The following KIF4A variants were observed in gnomAD, a reference collection of about 807,000 sequenced individuals.
The protein encoded by KIF4A is kinesin family member 4A.
A neutral mutation model predicts 105.9 loss-of-function variants in KIF4A; 7 were observed. The ratio of observed to expected loss-of-function variants is 0.07; its 90% CI spans 0.04 to 0.12. KIF4A has a LOEUF of 0.12. Among genes scored for constraint, KIF4A ranks in the 10% least tolerant of loss-of-function variants. KIF4A has a pLI of 1.00. For synonymous variants in KIF4A, 281 were observed against 331.3 expected (o/e 0.85, Z 1.65); for missense variants, 558 against 929.2 (o/e 0.60, Z 5.19).
intron 13 of KIF4A, among the ~76,000 whole-genome samples, chrX:70,348,280 C>CA (rs1225326412): frequency 6.1e-4 from 68 of 111,036 alleles, no homozygotes; most frequent in African/African-American, 2.2e-3. Flanking sequence ...CTTGTCTCTA[C>CA]AAAAAAATAA....
At chrX:70,337,885 G>A (rs2085957017) in intron 10 of KIF4A, among the ~76,000 whole-genome samples, 1 of 111,685 alleles carries the variant, frequency 9.0e-6, no homozygotes, top group Non-Finnish European at 1.9e-5. Context: ...ATCTCCACCA[G>A]CCATGCACAA....
chrX:70,324,879 T>C (rs1469382989), intron 7 of KIF4A, among the ~76,000 whole-genome samples: 1 of 111,632 alleles, frequency 9.0e-6, no homozygotes, highest in Non-Finnish European at 1.9e-5. Flanking sequence ...CCTCCTGGGC[T>C]GAAGCCATCC....
intron 10 of KIF4A, among the ~76,000 whole-genome samples, chrX:70,340,603 G>T (rs1307468135): frequency 9.0e-6 from 1 of 111,625 alleles, no homozygotes; most frequent in Non-Finnish European, 1.9e-5. Flanking sequence ...CATTTTAATT[G>T]AACATTCCTT....
At chrX:70,335,345 T>G (rs1261622227) in intron 10 of KIF4A, among the ~76,000 whole-genome samples, 1 of 112,000 alleles carries the variant, frequency 8.9e-6, no homozygotes, top group Admixed American at 9.5e-5. Flanking sequence ...GTAGTCAAAT[T>G]CATAGAAACA....
intron 3 of KIF4A, among the ~76,000 whole-genome samples, chrX:70,294,107 CT>C (rs1393342482): frequency 8.9e-6 from 1 of 111,898 alleles, no homozygotes; most frequent in Non-Finnish European, 1.9e-5. Context: ...AAGCTTTTTT[CT>C]TTTTAAAAAA....
intron 5 of KIF4A, 105 bp from the exon 6 acceptor site, chrX:70,301,795 T>G: frequency 3.5e-6 from 3 of 860,573 alleles, no homozygotes; most frequent in Non-Finnish European, 5.0e-6. Flanking sequence ...CTATTTGAGG[T>G]TCTACTAGAC....
At chrX:70,347,598 G>A (rs2085998032) in intron 13 of KIF4A, among the ~76,000 whole-genome samples, 1 of 111,764 alleles carries the variant, frequency 8.9e-6, no homozygotes, top group Non-Finnish European at 1.9e-5. Flanking sequence ...TCTAGGACAG[G>A]CCTCTGATTA....
intron 7 of KIF4A, among the ~76,000 whole-genome samples, chrX:70,320,339 C>T (rs1602747317): frequency 8.9e-6 from 1 of 111,981 alleles, no homozygotes; most frequent in African/African-American, 3.2e-5. Context: ...CTAGGTTAAT[C>T]TTAAAATACC....
chrX:70,292,794 C>CA (rs2085766244), intron 3 of KIF4A, among the ~76,000 whole-genome samples: 1 of 111,867 alleles, frequency 8.9e-6, no homozygotes, highest in Non-Finnish European at 1.9e-5. Flanking sequence ...TTAGTAAGAG[C>CA]ACCACAGTTC....
At chrX:70,372,427 G>T (rs952757023) in intron 15 of KIF4A, among the ~76,000 whole-genome samples, 1 of 113,108 alleles carries the variant, frequency 8.8e-6, no homozygotes, top group African/African-American at 3.2e-5. Flanking sequence ...GATCACTCAC[G>T]GTTAGGAGCT....
chrX:70,321,418 T>C (rs974954806), intron 7 of KIF4A, among the ~76,000 whole-genome samples: 13 of 112,417 alleles, frequency 1.2e-4, no homozygotes, highest in African/African-American at 3.9e-4. Flanking sequence ...CAGGACTACA[T>C]TGTCATTTTC....
At chrX:70,317,612 A>T (rs2085874635) in intron 7 of KIF4A, among the ~76,000 whole-genome samples, 2 of 95,432 alleles carry the variant, frequency 2.1e-5, no homozygotes, top group South Asian at 1.0e-3. Context: ...TGGCACAATC[A>T]CAGCTCACTA....
intron 15 of KIF4A, among the ~76,000 whole-genome samples, chrX:70,355,631 G>A (rs1483868264): frequency 8.9e-6 from 1 of 111,771 alleles, no homozygotes; most frequent in Admixed American, 9.5e-5. Context: ...GTACTAAGGA[G>A]CTGGGCCACA....
rs1020305350 is a variant in KIF4A, at chrX:70,386,469, G to A, written c.2035-149G>A. 4.2e-5 allele frequency: 18 copies of A among 428,886 alleles called. No individual in the cohort carries two copies. In the Middle Eastern group the frequency reaches 2.4e-3, roughly 57 times the overall value. The allele number at this position is 428,886 out of a possible 1,213,427, so 35.3% of individuals were successfully genotyped here. ...ACACAAACATGGTTTCTAGAACTAC[G>A]AGTTTTTGACTCATATGAGAAGATG... On this transcript the variant is annotated intron_variant, in intron 18 of 30. Coordinates refer to ENST00000374403, the MANE Select transcript of KIF4A (RefSeq NM_012310.5).
At chrX:70,379,876 T>C (rs1473525094) in intron 18 of KIF4A, among the ~76,000 whole-genome samples, 1 of 110,455 alleles carries the variant, frequency 9.1e-6, no homozygotes, top group Non-Finnish European at 1.9e-5. Context: ...TCCCAACTCA[T>C]TCCATGAGGT....
At chrX:70,341,073 C>T (rs1476002771) in intron 10 of KIF4A, among the ~76,000 whole-genome samples, 1 of 110,936 alleles carries the variant, frequency 9.0e-6, no homozygotes, top group East Asian at 2.8e-4. Context: ...TATTTCTGAC[C>T]CTCCCTTTTC....
intron 15 of KIF4A, among the ~76,000 whole-genome samples, chrX:70,367,790 G>A (rs1177493257): frequency 6.3e-5 from 7 of 111,357 alleles, no homozygotes; most frequent in African/African-American, 2.3e-4. Flanking sequence ...GAATCTGAAT[G>A]CTGGCCTGCC....
At chrX:70,366,171 G>C (rs190006153) in intron 15 of KIF4A, among the ~76,000 whole-genome samples, 22 of 111,080 alleles carry the variant, frequency 2.0e-4, no homozygotes, top group Middle Eastern at 4.6e-3. Context: ...AGCGGTCTAT[G>C]AATTTTGTTG....
intron 7 of KIF4A, among the ~76,000 whole-genome samples, chrX:70,303,597 A>C (rs1481092034): frequency 9.0e-6 from 1 of 111,649 alleles, no homozygotes; most frequent in Non-Finnish European, 1.9e-5. Flanking sequence ...TTTTTGTTCT[A>C]TGTTTGCACT....
Sources: allele counts gnomAD v4.1 joint callset (sites outside exome capture counted in the v4.1 genomes callset), GRCh38; gene constraint gnomAD v4.1.1; transcripts MANE v1.5; gene names NCBI Gene and HGNC (gene_info 2026-07-23, HGNC 2026-07-21).